The following SPCS2 variants were observed in gnomAD, a reference collection of about 807,000 sequenced individuals.
The protein encoded by SPCS2 is SPase 25 kDa subunit.
SPCS2 carries 3 observed loss-of-function variants against 22.3 expected under a neutral mutation model. The ratio of observed to expected loss-of-function variants is 0.13; its 90% CI spans 0.06 to 0.35. The LOEUF (loss-of-function observed/expected upper bound fraction) is 0.35, where lower values mean the gene tolerates loss of function less well. Ranked by LOEUF, SPCS2 falls within the 10% of genes least tolerant of loss-of-function variation. The pLI is 1.00. For synonymous variants in SPCS2, 67 were observed against 97.2 expected, an observed-to-expected ratio of 0.69 and a Z score of 1.83; for missense variants, 169 against 280.9, an observed-to-expected ratio of 0.60 and a Z score of 2.85.
chr11:74,958,500 ATG>A lies in SPCS2; in HGVS notation c.115-6525_115-6524del, dbSNP rs1394146219. On this transcript the variant is annotated intron_variant, in intron 1 of 4. Coordinates refer to ENST00000263672, the MANE Select transcript of SPCS2 (RefSeq NM_014752.3). ...TGAACATTTTCCTTTCTTGCTAAATATGTGTGTGTGGGGGGGATATAGGCACT... is the reference window on the plus strand; with the variant it reads ...TGAACATTTTCCTTTCTTGCTAAATATGTGTGTGGGGGGGATATAGGCACT... Among the ~76,000 whole-genome samples, 14 of 152,276 alleles carry A rather than the reference ATG, an allele frequency of 9.2e-5. No individual in the cohort carries two copies. In the East Asian group the frequency reaches 1.7e-3, roughly 19 times the overall value.
At chr11:74,969,444 G>A in intron 3 of SPCS2, 121 bp from the exon 4 acceptor site, 2 of 893,058 alleles carry the variant, frequency 2.2e-6, no homozygotes, top group Non-Finnish European at 3.4e-6. Flanking sequence ...CAGTGTTTTG[G>A]CAGCAAGACA....
chr11:74,949,346 G>C lies in SPCS2; in HGVS notation c.61G>C (p.Gly21Arg). Residue 21 changes from glycine (G) to arginine (R), a missense_variant, in exon 1 of 5, where the codon GGT (glycine) becomes CGT (arginine). Coordinates refer to ENST00000263672, the MANE Select transcript of SPCS2 (RefSeq NM_014752.3). Reference protein sequence around the residue: ...SGGSGGCSGAGGASNCGTGSG... With the variant: ...SGGSGGCSGARGASNCGTGSG... ...TGGTAGCGGAGGCTGTAGTGGGGCT[G>C]GTGGTGCTTCCAACTGCGGGACAGG... 9 of 1,551,552 alleles carry C rather than the reference G, an allele frequency of 5.8e-6. No homozygotes were observed. Among genetic ancestry groups the C allele is most frequent in the South Asian group, 2.4e-5 (2 of 84,052 alleles).
At chr11:74,956,684 C>T (rs1948481199) in intron 1 of SPCS2, among the ~76,000 whole-genome samples, 1 of 152,192 alleles carries the variant, frequency 6.6e-6, no homozygotes, top group Admixed American at 6.5e-5. Context: ...ACATAGATCA[C>T]TCACTCTCTT....
intron 3 of SPCS2, 37 bp downstream of exon 3, chr11:74,965,960 C>G: frequency 1.3e-6 from 2 of 1,556,604 alleles, no homozygotes; most frequent in East Asian, 2.3e-5. Context: ...TTTCTAGTGA[C>G]TATTTTTTTA....
At chr11:74,970,836 T>C (rs1458946748) in intron 4 of SPCS2, among the ~76,000 whole-genome samples, 2 of 152,228 alleles carry the variant, frequency 1.3e-5, no homozygotes, top group Non-Finnish European at 2.9e-5. Context: ...ATTCTGACTT[T>C]TGTATTTTTT....
At chr11:74,964,407 T>C (rs969203896) in intron 1 of SPCS2, among the ~76,000 whole-genome samples, 2 of 152,154 alleles carry the variant, frequency 1.3e-5, no homozygotes, top group African/African-American at 4.8e-5. Flanking sequence ...TGGGACTGAG[T>C]CTGGGACTTG....
intron 4 of SPCS2, among the ~76,000 whole-genome samples, chr11:74,971,732 C>T (rs1034617880): frequency 6.6e-6 from 1 of 152,006 alleles, no homozygotes. Flanking sequence ...AGCTATGTGA[C>T]TCTCTCGCAA....
chr11:74,967,945 T>C (rs1367880922), intron 3 of SPCS2, among the ~76,000 whole-genome samples: 1 of 151,370 alleles, frequency 6.6e-6, no homozygotes, highest in African/African-American at 2.4e-5. Flanking sequence ...AAAAAAAAAG[T>C]CTTCTGTATC....
chr11:74,963,107 C>A (rs1565486011), intron 1 of SPCS2, among the ~76,000 whole-genome samples: 1 of 152,194 alleles, frequency 6.6e-6, no homozygotes, highest in African/African-American at 2.4e-5. Context: ...TTTGGCTCTA[C>A]AAGTTGGTTC....
intron 1 of SPCS2, chr11:74,949,685 C>T (rs990589111): frequency 1.0e-5 from 5 of 481,870 alleles, no homozygotes; most frequent in South Asian, 6.2e-5. Context: ...TCGTGTCCAT[C>T]TCTTTTCTCC....
intron 4 of SPCS2, among the ~76,000 whole-genome samples, chr11:74,974,967 A>G (rs1047699123): frequency 6.6e-6 from 1 of 152,094 alleles, no homozygotes; most frequent in Non-Finnish European, 1.5e-5. Flanking sequence ...CCCATAGTCT[A>G]TTCCCAGGAC....
rs1948541363 is a variant in SPCS2 at position 74,965,757 on chromosome 11, C to T, written c.199-6C>T. The T allele has an allele frequency of 6.2e-7, 1 of 1,611,164 alleles. No homozygotes were observed. ...TATTAGCTTGATTCCTTGTTTTTCT[C>T]ACCAGGTACTTCTGGAAAAATACAA... On this transcript the variant is annotated splice_polypyrimidine_tract_variant and splice_region_variant and intron_variant, in intron 2 of 4. Transcript: ENST00000263672.
chr11:74,965,114 A>G lies in SPCS2; in HGVS notation c.195A>G (p.Lys65=). 6.5e-7 allele frequency: 1 copy of G among 1,549,772 alleles called. No individual in the cohort carries two copies. The highest frequency in any genetic ancestry group is 8.7e-7 in the Non-Finnish European group (1 of 1,145,424). ...AAAACTCTTTGGATGATTCTGCCAA[A>G]AAGGTACTTTCTTGAGGAGGGGTTG... ...AVKNSLDDSA[K]KVLLEKYKYV... The change falls in exon 2 of 5, where the codon AAA becomes AAG. Residue 65 remains lysine, a synonymous_variant. Coordinates refer to ENST00000263672, the MANE Select transcript of SPCS2 (RefSeq NM_014752.3).
chr11:74,950,860 C>T (rs899912770), intron 1 of SPCS2, among the ~76,000 whole-genome samples: 2 of 152,118 alleles, frequency 1.3e-5, no homozygotes, highest in African/African-American at 4.8e-5. Context: ...ACACTCAAAC[C>T]TTAAGATACA....
rs1948569245 is a variant in SPCS2, at chr11:74,969,679, G to A, written c.474G>A (p.Gln158=). 2 of 1,613,690 alleles carry A rather than the reference G, an allele frequency of 1.2e-6. No individual in the cohort carries two copies. The highest frequency in any genetic ancestry group is 1.7e-6 in the Non-Finnish European group (2 of 1,179,680). The change falls in exon 4 of 5, where the codon CAG becomes CAA. Residue 158 remains glutamine, a synonymous_variant. Transcript: ENST00000263672. ...PTGMDPDDIW[Q]LSSSLKRFDD... The stretch of plus-strand genomic sequence containing the variant: ...GAATGGATCCTGATGATATTTGGCA[G>A]CTGTCCTCCAGTCTTAAAAGGTATG...
chr11:74,966,618 G>A (rs1402245239), intron 3 of SPCS2, among the ~76,000 whole-genome samples: 2 of 152,008 alleles, frequency 1.3e-5, no homozygotes, highest in East Asian at 1.9e-4. Flanking sequence ...TATGATAAAT[G>A]TAAGATCATG....
chr11:74,956,353 T>G (rs536030204), intron 1 of SPCS2, among the ~76,000 whole-genome samples: 1 of 152,326 alleles, frequency 6.6e-6, no homozygotes, highest in East Asian at 1.9e-4. Flanking sequence ...GTCTAAAACA[T>G]GTATCAGGCA....
chr11:74,955,126 C>T (rs1258527391), intron 1 of SPCS2, among the ~76,000 whole-genome samples: 1 of 152,150 alleles, frequency 6.6e-6, no homozygotes, highest in East Asian at 1.9e-4. Context: ...ATATCGCTAA[C>T]AGGGATGTAA....
chr11:74,961,383 G>A (rs1012416653), intron 1 of SPCS2, among the ~76,000 whole-genome samples: 2 of 152,126 alleles, frequency 1.3e-5, no homozygotes, highest in African/African-American at 4.8e-5. Context: ...AGTATTAAGT[G>A]GAAAAGTGAG....
Sources: allele counts gnomAD v4.1 joint callset (sites outside exome capture counted in the v4.1 genomes callset), GRCh38; gene constraint gnomAD v4.1.1; transcripts MANE v1.5; gene names NCBI Gene and HGNC (gene_info 2026-07-23, HGNC 2026-07-21).